Variants in CTNND2 observed in about 807,000 individuals in gnomAD.
CTNND2 encodes the protein catenin delta 2.
Under a neutral mutation model 144.4 loss-of-function variants are expected in CTNND2, and 22 were observed. That is an observed-to-expected ratio of 0.15 (90% CI 0.11 to 0.22). The LOEUF (loss-of-function observed/expected upper bound fraction) is 0.22. CTNND2 is among the 10% of genes least tolerant of loss of function. The pLI, the probability that CTNND2 is intolerant of heterozygous loss-of-function variation, is 1.00. For missense variants in CTNND2, 1,353 were observed against 1,618.8 expected (o/e 0.84, Z 2.82); for synonymous variants, 751 against 695.6 (o/e 1.08, Z -1.25).
intron 1 of CTNND2, among the ~76,000 whole-genome samples, chr5:11,883,958 G>T (rs976896045): frequency 1.3e-5 from 2 of 152,066 alleles, no homozygotes; most frequent in African/African-American, 4.8e-5. Flanking sequence ...TCATATGTTT[G>T]TTGGCCACAT....
At chr5:11,028,988 C>T (rs1743164594) in intron 16 of CTNND2, among the ~76,000 whole-genome samples, 3 of 152,324 alleles carry the variant, frequency 2.0e-5, no homozygotes, top group South Asian at 2.1e-4. Flanking sequence ...GCAGTACAGG[C>T]GTGAGCCACT....
At chr5:11,451,470 C>G (rs1013696830) in intron 3 of CTNND2, among the ~76,000 whole-genome samples, 1 of 152,144 alleles carries the variant, frequency 6.6e-6, no homozygotes, top group African/African-American at 2.4e-5. Context: ...ATCCAAAAAT[C>G]CAAAATCTGA....
chr5:11,363,408 T>A (rs1756657023), intron 8 of CTNND2, among the ~76,000 whole-genome samples: 1 of 152,190 alleles, frequency 6.6e-6, no homozygotes, highest in South Asian at 2.1e-4. Context: ...TCTTCTTTTA[T>A]AAGATGTGCA....
At chr5:11,110,084 TG>T (rs1165798325) in intron 14 of CTNND2, among the ~76,000 whole-genome samples, 1 of 152,192 alleles carries the variant, frequency 6.6e-6, no homozygotes, top group Non-Finnish European at 1.5e-5. Flanking sequence ...GGGGATGCTT[TG>T]TCCTCCCATC....
At chr5:11,182,532 G>T (rs1326877039) in intron 11 of CTNND2, among the ~76,000 whole-genome samples, 1 of 151,788 alleles carries the variant, frequency 6.6e-6, no homozygotes, top group South Asian at 2.1e-4. Context: ...CTTTTCCACT[G>T]CCCACGATGG....
At chr5:11,597,948 G>A (rs1249556898) in intron 2 of CTNND2, among the ~76,000 whole-genome samples, 1 of 152,168 alleles carries the variant, frequency 6.6e-6, no homozygotes, top group African/African-American at 2.4e-5. Context: ...ACTGGATAAT[G>A]AGGACAACTC....
At chr5:11,837,965 A>C (rs910067851) in intron 1 of CTNND2, among the ~76,000 whole-genome samples, 1 of 152,028 alleles carries the variant, frequency 6.6e-6, no homozygotes, top group Admixed American at 6.6e-5. Flanking sequence ...AGTAGCCATG[A>C]CTCCATGACA....
chr5:11,467,628 T>C (rs2149947391), intron 3 of CTNND2, among the ~76,000 whole-genome samples: 1 of 152,330 alleles, frequency 6.6e-6, no homozygotes, highest in South Asian at 2.1e-4. Context: ...AATATGCTTT[T>C]ACTAGATTTT....
At chr5:11,262,279 C>T (rs983047332) in intron 9 of CTNND2, among the ~76,000 whole-genome samples, 1 of 152,158 alleles carries the variant, frequency 6.6e-6, no homozygotes, top group Admixed American at 6.5e-5. Flanking sequence ...GGGAAGTCCC[C>T]TCTGCTTAAA....
chr5:11,872,791 G>A (rs1735255782), intron 1 of CTNND2, among the ~76,000 whole-genome samples: 1 of 151,906 alleles, frequency 6.6e-6, no homozygotes, highest in Admixed American at 6.6e-5. Context: ...TGGGAAAACT[G>A]GCTAGCCATA....
intron 9 of CTNND2, among the ~76,000 whole-genome samples, chr5:11,240,922 AAC>A (rs759387436): frequency 2.2e-5 from 3 of 133,496 alleles, no homozygotes; most frequent in South Asian, 2.5e-4. Context: ...ACACATCCCC[AAC>A]ACACACCCAA....
intron 9 of CTNND2, among the ~76,000 whole-genome samples, chr5:11,327,279 G>T (rs1169099435): frequency 6.6e-6 from 1 of 152,164 alleles, no homozygotes; most frequent in African/African-American, 2.4e-5. Flanking sequence ...GAACAGTCCA[G>T]ATCCCCAAAG....
intron 1 of CTNND2, among the ~76,000 whole-genome samples, chr5:11,778,864 G>C (rs1790394009): frequency 6.6e-6 from 1 of 152,184 alleles, no homozygotes; most frequent in African/African-American, 2.4e-5. Context: ...GTGGGTGTGA[G>C]TCATATGGGA....
At chr5:11,160,528 T>C (rs1386124031) in intron 11 of CTNND2, among the ~76,000 whole-genome samples, 6 of 152,250 alleles carry the variant, frequency 3.9e-5, no homozygotes, top group African/African-American at 9.6e-5. Context: ...GTCATAAACA[T>C]TGCATATATA....
chr5:11,756,681 A>G (rs532379047), intron 1 of CTNND2, among the ~76,000 whole-genome samples: 1 of 150,752 alleles, frequency 6.6e-6, no homozygotes, highest in African/African-American at 2.4e-5. Context: ...CACTTAACAG[A>G]AATGTGATGA....
chr5:11,278,037 C>T (rs1746731130), intron 9 of CTNND2, among the ~76,000 whole-genome samples: 1 of 152,184 alleles, frequency 6.6e-6, no homozygotes, highest in African/African-American at 2.4e-5. Flanking sequence ...GGCTCCAACA[C>T]CTCTGTCCTG....
intron 2 of CTNND2, among the ~76,000 whole-genome samples, chr5:11,691,126 C>T (rs1414342306): frequency 1.3e-5 from 2 of 151,954 alleles, no homozygotes; most frequent in Admixed American, 6.6e-5. Flanking sequence ...AATCCCAGCA[C>T]TTCGGGAGGC....
At chr5:11,242,754 G>A (rs1742583833) in intron 9 of CTNND2, among the ~76,000 whole-genome samples, 1 of 152,152 alleles carries the variant, frequency 6.6e-6, no homozygotes, top group African/African-American at 2.4e-5. Flanking sequence ...GTACTAGAAT[G>A]AGCACAGGAT....
intron 14 of CTNND2, among the ~76,000 whole-genome samples, chr5:11,101,923 G>GTT (rs1159257657): frequency 6.6e-6 from 1 of 151,028 alleles, no homozygotes; most frequent in Non-Finnish European, 1.5e-5. Flanking sequence ...GTGTGTGTGT[G>GTT]TTTACATCTT....
Sources: allele counts gnomAD v4.1 joint callset (sites outside exome capture counted in the v4.1 genomes callset), GRCh38; gene constraint gnomAD v4.1.1; transcripts MANE v1.5; gene names NCBI Gene and HGNC (gene_info 2026-07-23, HGNC 2026-07-21).